PDE4DIP: variants seen among roughly 807,000 people sequenced by gnomAD.
PDE4DIP encodes the protein phosphodiesterase 4D interacting protein, also known as myomegalin.
A neutral mutation model predicts 221.4 loss-of-function variants in PDE4DIP; 59 were observed. The ratio of observed to expected loss-of-function variants is 0.27; its 90% confidence interval spans 0.22 to 0.33. The LOEUF is 0.33. Among genes scored for constraint, PDE4DIP ranks in the 10% least tolerant of loss-of-function variants. The pLI, the probability that PDE4DIP is intolerant of heterozygous loss-of-function variation, is 1.00. For synonymous variants in PDE4DIP, 404 were observed against 815.9 expected (o/e 0.50, Z 8.60); for missense variants, 1,036 against 2,154.2 (o/e 0.48, Z 10.28).
At chr1:148,981,496 C>G in intron 21 of PDE4DIP, 99 bp downstream of exon 24, 1 of 1,399,218 alleles carries the variant, frequency 7.1e-7, no homozygotes, top group Middle Eastern at 1.9e-4. Context: ...TTTGCACTAA[C>G]CAGAAAGATC....
In PDE4DIP at chr1:149,024,788, A is replaced by C; in HGVS notation, c.6325+104A>C. ...TGCCTGGTCCATGCTCCTTAGGGTC[A>C]GGTTGAAATCAGAGATGCTCTAGTC... is the stretch of plus-strand genomic sequence containing the variant. On this transcript the variant is annotated intron_variant, in intron 38 of 43. Coordinates refer to ENST00000369354, the Ensembl canonical transcript of PDE4DIP. The C allele has an allele frequency of 2.2e-5, 13 of 590,760 alleles. 1 individual carries two copies. The South Asian group carries it at 2.8e-4, about 13-fold the overall frequency. 36.6% of individuals were successfully genotyped at this position (590,760 alleles called of 1,614,324 possible). A position where few individuals can be genotyped will look rare whatever the true frequency, so the allele number is the denominator to read the frequency against.
rs587601350 is a variant in PDE4DIP, at chr1:148,898,830, A to G, written c.141+8936A>G. Among the ~76,000 whole-genome samples, 4 of 102,708 alleles carry G rather than the reference A, an allele frequency of 3.9e-5. No homozygotes were observed. The East Asian group carries it at 2.5e-3, about 64-fold the overall frequency. 67.4% of individuals were successfully genotyped at this position (102,708 alleles called of 152,430 possible). A position where few individuals can be genotyped will look rare whatever the true frequency, so the allele number is the denominator to read the frequency against. On this transcript the variant is annotated intron_variant, in intron 1 of 43. Transcript: ENST00000369354. Reference sequence around the variant, plus strand: ...AGCCACCATGCCTGGAAAATCCAGAAATTCTTTTTTTTTTACTTTGAGACA... The same window carrying G: ...AGCCACCATGCCTGGAAAATCCAGAGATTCTTTTTTTTTTACTTTGAGACA...
chr1:149,015,401 G>C (rs1240187118), intron 32 of PDE4DIP, among the ~76,000 whole-genome samples: 1 of 152,040 alleles, frequency 6.6e-6, no homozygotes, highest in Non-Finnish European at 1.5e-5. Context: ...CCTCACTCCT[G>C]TTGCTTAGGA....
exon 44 of PDE4DIP, chr1:149,032,100 G>A (rs1270669860): frequency 4.4e-6 from 7 of 1,594,664 alleles, no homozygotes; most frequent in South Asian, 1.1e-5. Context: ...GGAGCATCTG[G>A]GCCTCATTCC....
intron 23 of PDE4DIP, among the ~76,000 whole-genome samples, chr1:148,999,751 C>T (rs1414259092): frequency 1.3e-5 from 2 of 152,084 alleles, no homozygotes; most frequent in African/African-American, 4.8e-5. Flanking sequence ...CCATCTATAG[C>T]TATCCCTGTG....
chr1:148,864,333 T>C (rs374161766), intron 2 of PDE4DIP, among the ~76,000 whole-genome samples: 1 of 138,520 alleles, frequency 7.2e-6, no homozygotes, highest in African/African-American at 2.9e-5. Context: ...AAGCTTTTAG[T>C]ACAGAGGCTA....
At chr1:148,864,586 A>C (rs1168734510) in intron 2 of PDE4DIP, among the ~76,000 whole-genome samples, 1 of 103,846 alleles carries the variant, frequency 9.6e-6, no homozygotes, top group Non-Finnish European at 2.0e-5. Flanking sequence ...TTATATGCAC[A>C]ATTTGGAAAA....
At chr1:148,922,879 C>T (rs1387035543) in intron 1 of PDE4DIP, among the ~76,000 whole-genome samples, 2 of 150,338 alleles carry the variant, frequency 1.3e-5, no homozygotes, top group African/African-American at 2.4e-5. Flanking sequence ...AGCCACCGTG[C>T]CCGGCCCTTA....
At chr1:148,981,452 C>A (rs782274317) in intron 21 of PDE4DIP, 55 bp downstream of exon 24, 2 of 1,609,210 alleles carry the variant, frequency 1.2e-6, no homozygotes, top group Non-Finnish European at 1.7e-6. Flanking sequence ...TGAGCACTGG[C>A]GGGTCAGACT....
intron 9 of PDE4DIP, among the ~76,000 whole-genome samples, chr1:148,964,458 T>C (rs1364452798): frequency 6.6e-6 from 1 of 151,462 alleles, no homozygotes; most frequent in Non-Finnish European, 1.5e-5. Context: ...TCAGAGTGTA[T>C]GTGTTTGTTT....
Position 149,024,687 on chromosome 1 carries a change from A to T in PDE4DIP, c.6325+3A>T, listed in dbSNP as rs1553625376. On this transcript the variant is annotated splice_donor_region_variant and intron_variant, in intron 38 of 43. Coordinates refer to ENST00000369354, the Ensembl canonical transcript of PDE4DIP. ...AAACAAGCAGCTGCTCCTCCAAGGT[A>T]GGAAGGAAAAGGGACTTAGAAAGCC... The T allele has an allele frequency of 1.6e-6, 1 of 615,064 alleles. No individual in the cohort carries two copies. Among genetic ancestry groups the T allele is most frequent in the Non-Finnish European group, 2.9e-6 (1 of 347,044 alleles). 38.1% of individuals were successfully genotyped at this position (615,064 alleles called of 1,614,324 possible). A position where few individuals can be genotyped will look rare whatever the true frequency, so the allele number is the denominator to read the frequency against.
At chr1:148,948,334 C>G (rs2151147022) in intron 5 of PDE4DIP, among the ~76,000 whole-genome samples, 1 of 152,230 alleles carries the variant, frequency 6.6e-6, no homozygotes, top group South Asian at 2.1e-4. Context: ...TTCCTCCAAT[C>G]ATAAGTGTTT....
Position 149,029,457 on chromosome 1 carries a change from A to G in PDE4DIP, c.6814-330A>G, listed in dbSNP as rs587633906. 1.1e-3 allele frequency among the ~76,000 whole-genome samples: 170 copies of G among 152,260 alleles called. 3 individuals are homozygous for G. The East Asian group carries it at 0.032, about 28-fold the overall frequency. ...TCTGAACTCTCAATCTTACCTGTGA[A>G]GGGAGAGTGACAGAACTGATATCAG... On this transcript the variant is annotated intron_variant, in intron 41 of 43. Transcript: ENST00000369354.
intron 20 of PDE4DIP, among the ~76,000 whole-genome samples, chr1:148,980,135 A>G (rs1288095089): frequency 1.3e-5 from 2 of 152,252 alleles, no homozygotes; most frequent in East Asian, 1.9e-4. Flanking sequence ...CCTTGCATGT[A>G]GTAAGCACTC....
At chr1:148,946,002 T>G (rs1357338804) in intron 5 of PDE4DIP, among the ~76,000 whole-genome samples, 1 of 146,634 alleles carries the variant, frequency 6.8e-6, no homozygotes, top group African/African-American at 2.5e-5. Flanking sequence ...GGAATGGAGG[T>G]GGGTACTTGT....
intron 4 of PDE4DIP, 50 bp from the exon 8 acceptor site, chr1:148,937,697 A>G (rs1553475958): frequency 2.2e-6 from 2 of 898,176 alleles, no homozygotes; most frequent in South Asian, 2.7e-5. Context: ...AAATAAGGTA[A>G]TAATAGTATC....
chr1:149,025,180 C>T (rs1417441243), intron 38 of PDE4DIP, among the ~76,000 whole-genome samples: 2 of 151,168 alleles, frequency 1.3e-5, no homozygotes, highest in Non-Finnish European at 2.9e-5. Context: ...AACTTAGGTC[C>T]TGAGATATTA....
chr1:148,948,674 T>G (rs16825386), intron 5 of PDE4DIP, among the ~76,000 whole-genome samples: 3,027 of 132,614 alleles, frequency 0.023, 88 homozygotes, highest in African/African-American at 0.081. Context: ...CCTTTTAATC[T>G]TTTTAATTGA....
intron 17 of PDE4DIP, among the ~76,000 whole-genome samples, chr1:148,975,417 C>T (rs1318536359): frequency 1.3e-5 from 2 of 148,234 alleles, no homozygotes; most frequent in Non-Finnish European, 3.0e-5. Context: ...TTATTATAGA[C>T]GAAGAAGCTG....
Sources: allele counts gnomAD v4.1 joint callset (sites outside exome capture counted in the v4.1 genomes callset), GRCh38; gene constraint gnomAD v4.1.1; transcripts MANE v1.5; gene names NCBI Gene and HGNC (gene_info 2026-07-23, HGNC 2026-07-21).